ZNF418: variants seen among roughly 807,000 people sequenced by gnomAD.
ZNF418 encodes the protein zinc finger protein 418.
ZNF418 carries 32 observed loss-of-function variants against 32.0 expected under a neutral mutation model. That is an observed-to-expected ratio of 1.00 (90% CI 0.75 to 1.34). The LOEUF is 1.34. Ranked by LOEUF, ZNF418 falls within the 40% of genes most tolerant of loss-of-function variation. The probability of loss-of-function intolerance (pLI) is 0.00; values close to 1 mark genes in which losing one functional copy is unlikely to be tolerated. For synonymous variants in ZNF418, 276 were observed against 270.7 expected (o/e 1.02, Z -0.19); for missense variants, 804 against 812.5 (o/e 0.99, Z 0.13).
In ZNF418 at chr19:57,927,365, G is replaced by A. The variant is rs898717913; in HGVS notation, c.816C>T (p.Ser272=). The A allele has an allele frequency of 1.2e-6, 2 of 1,613,788 alleles. No homozygotes were observed. Among genetic ancestry groups the A allele is most frequent in the East Asian group, 2.2e-5 (1 of 44,858 alleles). Residue 272 remains serine (S), a synonymous_variant, in exon 4 of 6, where the codon AGC becomes AGT. Coordinates refer to ENST00000396147, the MANE Select transcript of ZNF418 (RefSeq NM_133460.3). ...TGTGAACTCGCTGATGCTGAACAAG[G>A]CTGCCCTTATGACTAAAAGATTTCC... The part of the protein sequence containing the change: ...ECGKSFSHKG[S]LVQHQRVHTG...
In ZNF418 at chr19:57,930,326, G is replaced by A. The variant is rs901881467; in HGVS notation, c.133+102C>T. The stretch of plus-strand genomic sequence containing the variant: ...ACCCAGAGAAGTGGAGAAGGAAGCT[G>A]TGCCCATGGTCCTGACATGATAAAA... On this transcript the variant is annotated intron_variant, in intron 3 of 5. Transcript: ENST00000396147. 3 of 1,564,856 alleles carry A rather than the reference G, an allele frequency of 1.9e-6. No individual in the cohort carries two copies. The African/African-American group carries it at 4.1e-5, about 21-fold the overall frequency.
At chr19:57,928,971 G>A (rs1173117174) in intron 3 of ZNF418, among the ~76,000 whole-genome samples, 1 of 151,036 alleles carries the variant, frequency 6.6e-6, no homozygotes, top group East Asian at 2.0e-4. Flanking sequence ...TCCAGCCTGG[G>A]CGACAAAGAG....
In ZNF418 at chr19:57,934,312, T is replaced by C. The variant is rs2072606811; in HGVS notation, c.-80-410A>G. 8 of 669,888 alleles carry C rather than the reference T, an allele frequency of 1.2e-5. No homozygotes were observed. In the South Asian group the frequency reaches 4.9e-4, roughly 41 times the overall value. The allele number at this position is 669,888 out of a possible 1,614,324, so 41.5% of individuals were successfully genotyped here. On this transcript the variant is annotated intron_variant, in intron 1 of 5. Transcript: ENST00000396147. The stretch of plus-strand genomic sequence containing the variant: ...TCACCGCAACCTCTGCCTCCCGAGT[T>C]CAAGCAATTCTCCTGCCTTAGCCTC...
rs759984490 is a variant in ZNF418 at position 57,926,995 on chromosome 19, G to A, written c.1186C>T (p.Arg396Ter). 2.4e-5 allele frequency: 38 copies of A among 1,592,976 alleles called. No homozygotes were observed. Among genetic ancestry groups the A allele is most frequent in the African/African-American group, 4.3e-5 (3 of 69,620 alleles). Residue 396 changes from arginine to a stop codon, truncating the protein, a stop_gained, in exon 4 of 6, where the codon CGA (arginine) becomes TGA (stop). Coordinates refer to ENST00000396147, the MANE Select transcript of ZNF418 (RefSeq NM_133460.3). LOFTEE classifies it low-confidence loss of function (END_TRUNC). ...CCACATTCTCCACACTCATAAGGTC[G>A]TTCTCTAGTGTGAACTCGATGATGT... The part of the protein sequence containing the change: ...TEHHRVHTRE[R>*]PYECGECGKS...
chr19:57,922,679 A>C lies in ZNF418; in HGVS notation c.*626-50T>G, dbSNP rs79566151. 2.2e-3 allele frequency: 895 copies of C among 398,416 alleles called. 13 individuals carry two copies. The highest frequency in any genetic ancestry group is 0.016 in the African/African-American group (785 of 48,726). The allele number at this position is 398,416 out of a possible 1,614,324, so 24.7% of individuals were successfully genotyped here. A position where few individuals can be genotyped will look rare whatever the true frequency, so the allele number is the denominator to read the frequency against. On this transcript the variant is annotated intron_variant, in intron 5 of 5. Transcript: ENST00000396147. ...TACATTTGATACTTAAATATATGGG[A>C]CACCACTTTGTTAAATTGCAAGAAA... is the stretch of plus-strand genomic sequence containing the variant.
In ZNF418 at chr19:57,930,446, C is replaced by G. The variant is rs1244766425; in HGVS notation, c.115G>C (p.Val39Leu). The G allele has an allele frequency of 6.2e-7, 1 of 1,614,050 alleles. No individual in the cohort carries two copies. ...LYHDVMLENW[V>L]LISSLGCWCG... The stretch of plus-strand genomic sequence containing the variant: ...AACTTACCCAGGGAGGATATAAGTA[C>G]CCAGTTCTCCAGCATCACGTCATGG... The change falls in exon 3 of 6, where the codon GTA becomes CTA. Residue 39 changes from valine (V) to leucine (L), a missense_variant. Around this residue, in one of 3 missense-constraint regions of ZNF418, gnomAD observed 307 missense variants for 304.9 expected, o/e 1.01. Coordinates refer to ENST00000396147, the MANE Select transcript of ZNF418 (RefSeq NM_133460.3).
chr19:57,929,682 ATTTC>A (rs764200158), intron 3 of ZNF418, among the ~76,000 whole-genome samples: 5 of 143,072 alleles, frequency 3.5e-5, no homozygotes, highest in Non-Finnish European at 6.2e-5. Flanking sequence ...TAAAAACAGA[ATTTC>A]TTTTTTTTTT....
chr19:57,932,049 T>C (rs925704945), intron 2 of ZNF418, among the ~76,000 whole-genome samples: 1 of 152,232 alleles, frequency 6.6e-6, no homozygotes, highest in Non-Finnish European at 1.5e-5. Context: ...GGGGTTGCAC[T>C]GTGGACAACA....
rs761139185 is a variant in ZNF418, at chr19:57,926,917, C to T, written c.1264G>A (p.Gly422Arg). ...TCTCCACACTCGTAAGGTCTTTCTC[C>T]AGTGTGACCTCGCTGATGGTTCCTA... is the stretch of plus-strand genomic sequence containing the variant. ...HLRNHQRGHTGERPYECGECG... is the reference protein window; with the variant it reads ...HLRNHQRGHTRERPYECGECG... Residue 422 changes from glycine (G) to arginine (R), a missense_variant, in exon 4 of 6, where the codon GGA becomes AGA. Gly to Arg is a moderately radical substitution (Grantham distance 125). Coordinates refer to ENST00000396147, the MANE Select transcript of ZNF418 (RefSeq NM_133460.3). 1 of 1,613,820 alleles carries T rather than the reference C, an allele frequency of 6.2e-7. No individual in the cohort carries two copies. The highest frequency in any genetic ancestry group is 1.3e-5 in the African/African-American group (1 of 74,874).
At position 57,929,979 on chromosome 19, in the gene ZNF418, C is replaced by T. The variant is rs577168531; in HGVS notation, c.133+449G>A. On this transcript the variant is annotated intron_variant, in intron 3 of 5. Transcript: ENST00000396147. ...GATTACAGGCGTGAGCCACCGCACC[C>T]GGCCTAAAAACAGAATTTCTAAGGA... is the stretch of plus-strand genomic sequence containing the variant. 7.9e-5 allele frequency among the ~76,000 whole-genome samples: 12 copies of T among 152,272 alleles called. No individual in the cohort carries two copies. The South Asian group carries it at 1.7e-3, about 21-fold the overall frequency.
At chr19:57,929,042 C>T (rs1052155452) in intron 3 of ZNF418, among the ~76,000 whole-genome samples, 1 of 152,038 alleles carries the variant, frequency 6.6e-6, no homozygotes, top group Non-Finnish European at 1.5e-5. Flanking sequence ...TACACACTTG[C>T]TAATACACAA....
chr19:57,926,076 G>T lies in ZNF418; in HGVS notation c.*74C>A. The T allele has an allele frequency of 7.8e-7, 1 of 1,288,496 alleles. No individual in the cohort carries two copies. Among genetic ancestry groups the T allele is most frequent in the Non-Finnish European group, 1.1e-6 (1 of 920,510 alleles). 79.8% of individuals were successfully genotyped at this position (1,288,496 alleles called of 1,614,324 possible). A position where few individuals can be genotyped will look rare whatever the true frequency, so the allele number is the denominator to read the frequency against. ...ATCCCACGTTTGTCACACTCATAAGGTCCTGATCCAGTAAGAACCCTCTGA... is the reference window on the plus strand; with the variant it reads ...ATCCCACGTTTGTCACACTCATAAGTTCCTGATCCAGTAAGAACCCTCTGA... On this transcript the variant is annotated 3_prime_UTR_variant, in exon 4 of 6. Coordinates refer to ENST00000396147, the MANE Select transcript of ZNF418 (RefSeq NM_133460.3).
chr19:57,925,889 G>A lies in ZNF418; in HGVS notation c.*261C>T, dbSNP rs2072196724. On this transcript the variant is annotated 3_prime_UTR_variant, in exon 4 of 6. Coordinates refer to ENST00000396147, the MANE Select transcript of ZNF418 (RefSeq NM_133460.3). ...TCTCCTCCAGTGTTATGTTTTACAA[G>A]AAATAATATTTCCTGTACGTGTACA... 2.3e-6 allele frequency: 1 copy of A among 435,576 alleles called. No individual in the cohort carries two copies. Among genetic ancestry groups the A allele is most frequent in the East Asian group, 3.6e-5 (1 of 27,858 alleles). 27.0% of individuals were successfully genotyped at this position (435,576 alleles called of 1,614,324 possible).
rs748579604 is a variant in ZNF418, at chr19:57,926,590, C to T, written c.1591G>A (p.Val531Ile). Residue 531 changes from valine (V) to isoleucine (I), a missense_variant, in exon 4 of 6, where the codon GTT becomes ATT. Around this residue, in one of 3 missense-constraint regions of ZNF418, gnomAD observed 475 missense variants for 458.6 expected, o/e 1.04. Transcript: ENST00000396147. ...TCATAAGGCCTTTCTCCAGTATGAA[C>T]TCTCCGATGTCGAAGGAGGGAACAG... ...QSCSLLRHRR[V>I]HTGERPYECG... 11 of 1,614,000 alleles carry T rather than the reference C, an allele frequency of 6.8e-6. No homozygotes were observed. In the Admixed American group the frequency reaches 1.7e-4, roughly 24 times the overall value.
At chr19:57,931,942 A>T (rs912467750) in intron 2 of ZNF418, among the ~76,000 whole-genome samples, 4 of 152,202 alleles carry the variant, frequency 2.6e-5, no homozygotes, top group Non-Finnish European at 5.9e-5. Context: ...TTAGGGTTAT[A>T]GTGTTGGGGA....
intron 2 of ZNF418, chr19:57,932,426 T>A: frequency 6.5e-7 from 1 of 1,535,108 alleles, no homozygotes; most frequent in East Asian, 2.4e-5. Context: ...GGATCCAATA[T>A]TACCACAGAA....
chr19:57,927,597 G>A lies in ZNF418; in HGVS notation c.584C>T (p.Pro195Leu), dbSNP rs752553317. The change falls in exon 4 of 6, where the codon CCC (proline) becomes CTC (leucine). Residue 195 changes from proline to leucine, a missense_variant. This residue lies in a region of ZNF418 where 307 missense variants were observed against 304.9 expected (regional missense o/e 1.01). Transcript: ENST00000396147. ...GTAATGAGTATCTCCCCACTGAAAG[G>A]GAGACTCACACTCAGGTTTGCTGTT... ...KSNSKPECES[P>L]FQWGDTHYSC... 3.7e-6 allele frequency: 6 copies of A among 1,614,082 alleles called. No individual in the cohort carries two copies. The highest frequency in any genetic ancestry group is 5.1e-6 in the Non-Finnish European group (6 of 1,179,990).
Position 57,924,644 on chromosome 19 carries a change from AC to A in ZNF418, c.*527+978del, listed in dbSNP as rs544893703. 2.2e-3 allele frequency among the ~76,000 whole-genome samples: 340 copies of A among 152,282 alleles called. 1 individual carries two copies. Among genetic ancestry groups the A allele is most frequent in the Non-Finnish European group, 4.2e-3 (288 of 68,024 alleles). ...TCCTGTTATAATCTCATAACCTGGGACACCACACTACGAAACTCTGGATATC... is the reference window on the plus strand; with the variant it reads ...TCCTGTTATAATCTCATAACCTGGGAACCACACTACGAAACTCTGGATATC... On this transcript the variant is annotated intron_variant, in intron 4 of 5. Transcript: ENST00000396147.
chr19:57,933,733 A>T, intron 2 of ZNF418, 84 bp downstream of exon 2: 1 of 1,561,556 alleles, frequency 6.4e-7, no homozygotes, highest in South Asian at 1.1e-5. Context: ...AAAAAAAAGG[A>T]AAATCTAGTT....
Sources: allele counts gnomAD v4.1 joint callset (sites outside exome capture counted in the v4.1 genomes callset), GRCh38; gene constraint gnomAD v4.1.1; regional missense constraint gnomAD v4.1.1; transcripts MANE v1.5; gene names NCBI Gene and HGNC (gene_info 2026-07-23, HGNC 2026-07-21).